Variants in DLGAP5 observed in about 807,000 individuals in gnomAD.
DLGAP5 encodes the protein DLG associated protein 5.
A neutral mutation model predicts 99.6 loss-of-function variants in DLGAP5; 90 were observed. The observed-to-expected ratio is 0.90, with a 90% CI of 0.76 to 1.08. DLGAP5 has a LOEUF of 1.08. Among genes scored for constraint, DLGAP5 ranks in the 50% least tolerant of loss-of-function variants. The pLI, the probability that DLGAP5 is intolerant of heterozygous loss-of-function variation, is 0.00. For synonymous variants in DLGAP5, 311 were observed against 321.3 expected, an observed-to-expected ratio of 0.97 and a Z score of 0.34; for missense variants, 1,036 against 983.5, an observed-to-expected ratio of 1.05 and a Z score of -0.71.
chr14:55,189,061 T>C lies in DLGAP5; in HGVS notation c.119A>G (p.Glu40Gly). 6.2e-7 allele frequency: 1 copy of C among 1,614,040 alleles called. No homozygotes were observed. The change falls in exon 2 of 19, where the codon GAA becomes GGA. Residue 40 changes from glutamate to glycine, a missense_variant. Transcript: ENST00000247191. ...TTTCAAACCAAAGTGTCTATTTCGTTCGTATTCCTTATGTCTATTTTCTTT... is the reference window on the plus strand; with the variant it reads ...TTTCAAACCAAAGTGTCTATTTCGTCCGTATTCCTTATGTCTATTTTCTTT... Reference protein sequence around the residue: ...SQKENRHKEYERNRHFGLKDV... With the variant: ...SQKENRHKEYGRNRHFGLKDV...
Position 55,177,115 on chromosome 14 carries a change from A to C in DLGAP5, c.996T>G (p.Ser332Arg), listed in dbSNP as rs1420968549. The change falls in exon 8 of 19, where the codon AGT (serine) becomes AGG (arginine). Residue 332 changes from serine (S) to arginine (R), a missense_variant. Physicochemically the swap from Ser to Arg is moderately radical, Grantham distance 110. Transcript: ENST00000247191. ...TYQVTPMTPR[S>R]ANAFLTPSYT... The stretch of plus-strand genomic sequence containing the variant: ...AACTGGGTGTCAAAAAAGCATTGGC[A>C]CTTCTGGGAGTCATAGGTGTTACTT... 1.9e-6 allele frequency: 3 copies of C among 1,544,970 alleles called. No homozygotes were observed. The highest frequency in any genetic ancestry group is 1.7e-6 in the Non-Finnish European group (2 of 1,151,402).
intron 12 of DLGAP5, among the ~76,000 whole-genome samples, chr14:55,165,435 GT>G (rs1355372955): frequency 6.6e-6 from 1 of 151,966 alleles, no homozygotes; most frequent in African/African-American, 2.4e-5. Flanking sequence ...AAGCAGGAGG[GT>G]TGTTTGAGCC....
At chr14:55,178,803 T>C (rs1371413761) in intron 7 of DLGAP5, among the ~76,000 whole-genome samples, 1 of 152,166 alleles carries the variant, frequency 6.6e-6, no homozygotes, top group Non-Finnish European at 1.5e-5. Context: ...TCCCAGCACT[T>C]TGGGAGGCCG....
chr14:55,158,447 C>T (rs1882288027), intron 14 of DLGAP5, 75 bp downstream of exon 14: 1 of 1,242,300 alleles, frequency 8.0e-7, no homozygotes, highest in East Asian at 2.4e-5. Context: ...TTACACAAGC[C>T]CCCATCTATC....
chr14:55,149,936 C>T (rs1881956586), intron 18 of DLGAP5, among the ~76,000 whole-genome samples: 1 of 151,764 alleles, frequency 6.6e-6, no homozygotes, highest in Admixed American at 6.6e-5. Context: ...ACCTGTAATC[C>T]CAGCTACTCA....
At chr14:55,189,404 A>G (rs1470106324) in intron 1 of DLGAP5, among the ~76,000 whole-genome samples, 1 of 152,160 alleles carries the variant, frequency 6.6e-6, no homozygotes, top group Non-Finnish European at 1.5e-5. Context: ...CAGTGAAGAG[A>G]AAGCCAGTAA....
intron 14 of DLGAP5, among the ~76,000 whole-genome samples, chr14:55,157,009 T>G (rs1427609207): frequency 1.3e-5 from 2 of 152,202 alleles, no homozygotes; most frequent in Non-Finnish European, 1.5e-5. Context: ...GATCAAACCT[T>G]GTCAAGAGAG....
Position 55,179,715 on chromosome 14 carries a change from A to G in DLGAP5, c.704-16T>C. ...GGTTCGTTTTCTAAAACAACAATAAAATATTTATTTTACTAGATAGAAATG... is the reference window on the plus strand; with the variant it reads ...GGTTCGTTTTCTAAAACAACAATAAGATATTTATTTTACTAGATAGAAATG... On this transcript the variant is annotated splice_polypyrimidine_tract_variant and intron_variant, in intron 6 of 18. Coordinates refer to ENST00000247191, the MANE Select transcript of DLGAP5 (RefSeq NM_014750.5). The G allele has an allele frequency of 6.3e-7, 1 of 1,597,056 alleles. No individual in the cohort carries two copies.
chr14:55,167,273 T>A (rs1304731130), intron 12 of DLGAP5, among the ~76,000 whole-genome samples: 12 of 145,784 alleles, frequency 8.2e-5, no homozygotes, highest in Non-Finnish European at 1.6e-4. Context: ...AAAAAAAGAC[T>A]ATAAACAATG....
At chr14:55,161,644 A>C (rs1410258257) in intron 13 of DLGAP5, among the ~76,000 whole-genome samples, 1 of 151,344 alleles carries the variant, frequency 6.6e-6, no homozygotes, top group African/African-American at 2.4e-5. Flanking sequence ...TCCCGACCTC[A>C]GGTGATCTGC....
rs1005463160 is a variant in DLGAP5, at chr14:55,167,147, G to A, written c.1548+2252C>T. Among the ~76,000 whole-genome samples the A allele has an allele frequency of 1.1e-3, 168 of 151,708 alleles. 1 individual carries two copies. Among genetic ancestry groups the A allele is most frequent in the Non-Finnish European group, 5.6e-4 (38 of 67,916 alleles). ...TGGGCATCTGTAATCCCAGCTACTC[G>A]GGAGGCAGAGGCAGGAGAATCGCTT... On this transcript the variant is annotated intron_variant, in intron 12 of 18. Transcript: ENST00000247191.
chr14:55,156,904 A>C (rs1435244883), intron 14 of DLGAP5, among the ~76,000 whole-genome samples: 3 of 152,234 alleles, frequency 2.0e-5, no homozygotes, highest in African/African-American at 7.2e-5. Flanking sequence ...AGCCAGCATG[A>C]AAGTTGAGGA....
intron 10 of DLGAP5, among the ~76,000 whole-genome samples, chr14:55,171,325 C>A (rs1566501905): frequency 6.6e-6 from 1 of 152,160 alleles, no homozygotes; most frequent in South Asian, 2.1e-4. Context: ...ATTGTCATGA[C>A]TGGAGGAGTG....
intron 10 of DLGAP5, among the ~76,000 whole-genome samples, 173 bp downstream of exon 10, chr14:55,175,173 G>A (rs1883015725): frequency 6.6e-6 from 1 of 152,060 alleles, no homozygotes; most frequent in Non-Finnish European, 1.5e-5. Context: ...CCTACCCTTT[G>A]AATTAGGAAC....
chr14:55,167,309 C>T (rs940685392), intron 12 of DLGAP5, among the ~76,000 whole-genome samples: 2 of 150,670 alleles, frequency 1.3e-5, no homozygotes, highest in African/African-American at 4.9e-5. Context: ...TTTAAATCTG[C>T]AACTAATAAT....
chr14:55,163,841 G>A (rs943151566), intron 12 of DLGAP5, among the ~76,000 whole-genome samples: 2 of 152,174 alleles, frequency 1.3e-5, no homozygotes, highest in African/African-American at 4.8e-5. Context: ...TGAGGTAACT[G>A]TTCAGGTCTT....
chr14:55,170,839 C>T (rs759370110), intron 10 of DLGAP5, 52 bp from the exon 11 acceptor site: 1 of 1,295,558 alleles, frequency 7.7e-7, no homozygotes, highest in South Asian at 1.2e-5. Context: ...ACACTAGTAG[C>T]TAAGTATTAG....
chr14:55,177,703 A>G (rs1883128867), intron 7 of DLGAP5, among the ~76,000 whole-genome samples: 1 of 151,494 alleles, frequency 6.6e-6, no homozygotes, highest in Non-Finnish European at 1.5e-5. Flanking sequence ...ACGCCCGGCT[A>G]ATTTTTTGTA....
chr14:55,165,979 T>C (rs1362324490), intron 12 of DLGAP5, among the ~76,000 whole-genome samples: 1 of 152,198 alleles, frequency 6.6e-6, no homozygotes. Flanking sequence ...ATAATCACTT[T>C]GGAAAATAGT....
Sources: allele counts gnomAD v4.1 joint callset (sites outside exome capture counted in the v4.1 genomes callset), GRCh38; gene constraint gnomAD v4.1.1; transcripts MANE v1.5; gene names NCBI Gene and HGNC (gene_info 2026-07-23, HGNC 2026-07-21).